ABL1: variants seen among roughly 807,000 people sequenced by gnomAD.
The protein encoded by ABL1 is ABL proto-oncogene 1, non-receptor tyrosine kinase.
In ABL1, 11 loss-of-function variants were observed where a neutral mutation model predicts 94.7. That is an observed-to-expected ratio of 0.12 (90% CI 0.07 to 0.19). The LOEUF is 0.19. Among genes scored for constraint, ABL1 ranks in the 10% least tolerant of loss-of-function variants. The pLI is 1.00. For synonymous variants in ABL1, 656 were observed against 622.4 expected (o/e 1.05, Z -0.80); for missense variants, 1,082 against 1,489.4 (o/e 0.73, Z 4.50).
At position 130,828,158 on chromosome 9, in the gene ABL1, C is replaced by T. The variant is rs1412699639; in HGVS notation, c.137-25906C>T. 2.0e-5 allele frequency among the ~76,000 whole-genome samples: 3 copies of T among 152,036 alleles called. No individual in the cohort carries two copies. The East Asian group carries it at 5.8e-4, about 29-fold the overall frequency. On this transcript the variant is annotated intron_variant, in intron 1 of 10. Coordinates refer to the ABL1 transcript ENST00000372348. ...GGAGTGCAGTGGCAAGATCACAGCT[C>T]ACTGCAGCCCCAACCTGCCTCAGCC...
chr9:130,716,451 A>G (rs1436697437), intron 1 of ABL1, among the ~76,000 whole-genome samples: 1 of 152,060 alleles, frequency 6.6e-6, no homozygotes, highest in Non-Finnish European at 1.5e-5. Flanking sequence ...ATTTTATTAC[A>G]TTTTGACCCT....
chr9:130,713,072 G>C (rs1378945327), exon 1 of ABL1, among the ~76,000 whole-genome samples: 1 of 152,218 alleles, frequency 6.6e-6, no homozygotes, highest in African/African-American at 2.4e-5. Context: ...GGGGTTTGGT[G>C]TCTGTGCCTG....
chr9:130,762,535 TC>T (rs1832129406), intron 1 of ABL1, among the ~76,000 whole-genome samples: 1 of 152,098 alleles, frequency 6.6e-6, no homozygotes, highest in Non-Finnish European at 1.5e-5. Flanking sequence ...GTCCATCACT[TC>T]CTGTGGGCTT....
intron 1 of ABL1, among the ~76,000 whole-genome samples, chr9:130,716,257 G>A (rs1831439170): frequency 1.3e-5 from 2 of 151,646 alleles, no homozygotes; most frequent in East Asian, 1.9e-4. Flanking sequence ...ACTGACGCCC[G>A]GCTAATTTTT....
At chr9:130,775,083 G>A (rs1832296125) in intron 1 of ABL1, among the ~76,000 whole-genome samples, 1 of 152,172 alleles carries the variant, frequency 6.6e-6, no homozygotes, top group Admixed American at 6.5e-5. Context: ...CATTATTTTA[G>A]AGAGATACTA....
chr9:130,731,862 A>G (rs964917102), intron 1 of ABL1, among the ~76,000 whole-genome samples: 6 of 152,156 alleles, frequency 3.9e-5, no homozygotes, highest in African/African-American at 1.2e-4. Context: ...AGAAATGAAT[A>G]ATAGAATATA....
In ABL1 at chr9:130,877,847, C is replaced by T. The variant is rs1166512543; in HGVS notation, c.1271-568C>T. On this transcript the variant is annotated intron_variant, in intron 7 of 10. Transcript: ENST00000318560. ...TTTGAGATGGAGTCTCGCTCTGTCA[C>T]CCAGCCTGGAGTGCAGTGGCGCGAT... 3.4e-5 allele frequency among the ~76,000 whole-genome samples: 5 copies of T among 149,014 alleles called. No homozygotes were observed. The East Asian group carries it at 9.7e-4, about 29-fold the overall frequency.
At chr9:130,760,225 G>A (rs1439200621) in intron 1 of ABL1, among the ~76,000 whole-genome samples, 1 of 152,034 alleles carries the variant, frequency 6.6e-6, no homozygotes, top group Non-Finnish European at 1.5e-5. Flanking sequence ...TGGTGCTGTT[G>A]GGATGTCATT....
At chr9:130,822,074 G>A (rs1031884761) in intron 1 of ABL1, among the ~76,000 whole-genome samples, 9 of 151,996 alleles carry the variant, frequency 5.9e-5, no homozygotes, top group Non-Finnish European at 1.3e-4. Context: ...TCCTGACCTC[G>A]TGATCTGCCT....
At chr9:130,843,564 T>G (rs1830711376) in intron 1 of ABL1, among the ~76,000 whole-genome samples, 1 of 151,978 alleles carries the variant, frequency 6.6e-6, no homozygotes, top group African/African-American at 2.4e-5. Context: ...TGTGAACAGA[T>G]TGCTTACTGG....
chr9:130,761,282 T>C (rs1007410686), intron 1 of ABL1, among the ~76,000 whole-genome samples: 3 of 152,260 alleles, frequency 2.0e-5, no homozygotes. Flanking sequence ...CCTCCCCTTT[T>C]TATGACCATT....
At chr9:130,861,514 A>G (rs1464970557) in intron 3 of ABL1, among the ~76,000 whole-genome samples, 1 of 152,182 alleles carries the variant, frequency 6.6e-6, no homozygotes, top group Non-Finnish European at 1.5e-5. Flanking sequence ...CCCACAGCCA[A>G]AGGCCTTGGC....
At chr9:130,817,586 A>G (rs1221241416) in intron 1 of ABL1, among the ~76,000 whole-genome samples, 2 of 152,230 alleles carry the variant, frequency 1.3e-5, no homozygotes, top group African/African-American at 4.8e-5. Flanking sequence ...GTCAGGTTGT[A>G]AATGACCCTG....
chr9:130,856,548 A>T (rs1055080941), intron 3 of ABL1, among the ~76,000 whole-genome samples: 2 of 152,202 alleles, frequency 1.3e-5, no homozygotes, highest in Non-Finnish European at 2.9e-5. Context: ...TATGTAATGC[A>T]TGCATATGGT....
intron 6 of ABL1, among the ~76,000 whole-genome samples, chr9:130,874,132 C>T (rs900316745): frequency 6.6e-6 from 1 of 152,178 alleles, no homozygotes; most frequent in Non-Finnish European, 1.5e-5. Flanking sequence ...GGCTATCTCA[C>T]GCAGCCATCA....
chr9:130,871,570 C>T (rs35011138), intron 4 of ABL1, among the ~76,000 whole-genome samples: 28 of 152,302 alleles, frequency 1.8e-4, no homozygotes, highest in African/African-American at 6.5e-4. Flanking sequence ...CATTAAGAGC[C>T]CACGACCACG....
At chr9:130,810,830 C>T (rs149804525) in intron 1 of ABL1, among the ~76,000 whole-genome samples, 152 of 152,088 alleles carry the variant, frequency 1.0e-3, no homozygotes, top group African/African-American at 3.3e-3. Flanking sequence ...TTTCAAGGAA[C>T]TCCAAGCACA....
chr9:130,856,552 A>G (rs1476867111), intron 3 of ABL1, among the ~76,000 whole-genome samples: 2 of 152,218 alleles, frequency 1.3e-5, no homozygotes, highest in African/African-American at 4.8e-5. Context: ...TAATGCATGC[A>G]TATGGTTAAA....
rs1349979094 is a variant in ABL1, at chr9:130,835,558, G to C, written c.79+33G>C. 3 of 1,532,836 alleles carry C rather than the reference G, an allele frequency of 2.0e-6. No individual in the cohort carries two copies. The South Asian group carries it at 3.6e-5, about 18-fold the overall frequency. 95.0% of individuals were successfully genotyped at this position (1,532,836 alleles called of 1,614,324 possible). ...CGGGCCGCACGGGTTGGGCTGAGTA[G>C]CCGCGCGCCCTCCCGCTGCTGCTGG... On this transcript the variant is annotated intron_variant, in intron 1 of 10. Transcript: ENST00000318560. This position sits in a 1 kb window ranked among gnomAD's most constrained non-coding sequence, Gnocchi z 4.6.
Sources: allele counts gnomAD v4.1 joint callset (sites outside exome capture counted in the v4.1 genomes callset), GRCh38; gene constraint gnomAD v4.1.1; non-coding constraint Gnocchi (gnomAD v3.1); transcripts MANE v1.5; gene names NCBI Gene and HGNC (gene_info 2026-07-23, HGNC 2026-07-21).